The following SORBS2 variants were observed in gnomAD, a reference collection of about 807,000 sequenced individuals.
The protein encoded by SORBS2 is sorbin and SH3 domain-containing protein 2.
In SORBS2, 46 loss-of-function variants were observed where a neutral mutation model predicts 97.7. The observed-to-expected ratio is 0.47, with a 90% CI of 0.37 to 0.60. SORBS2 has a LOEUF of 0.60. Ranked by LOEUF, SORBS2 falls within the 20% of genes least tolerant of loss-of-function variation. The pLI is 0.00. For missense variants in SORBS2, 1,316 were observed against 1,282.3 expected (o/e 1.03, Z -0.40); for synonymous variants, 476 against 473.4 (o/e 1.01, Z -0.07).
intron 1 of SORBS2, among the ~76,000 whole-genome samples, chr4:185,870,933 T>C (rs1432118971): frequency 6.6e-6 from 1 of 152,352 alleles, no homozygotes; most frequent in South Asian, 2.1e-4. Flanking sequence ...TTAGATGGCA[T>C]TGGTCACTCT....
chr4:185,736,325 G>A (rs57765240), intron 2 of SORBS2, among the ~76,000 whole-genome samples: 1,722 of 152,324 alleles, frequency 0.011, 29 homozygotes, highest in African/African-American at 0.038. Context: ...TAAGGCAATG[G>A]TGGGATTAAA....
In SORBS2 at chr4:185,927,482, G is replaced by A. The variant is rs1484498995; in HGVS notation, c.-338+28714C>T. On this transcript the variant is annotated intron_variant, in intron 1 of 20. Coordinates refer to the SORBS2 transcript ENST00000284776. ...GCCCCTGTGTGATATTCCACTCCCC[G>A]TGTCCATGTATGCTCATTGTTCAAC... Among the ~76,000 whole-genome samples the A allele has an allele frequency of 5.7e-5, 8 of 141,180 alleles. No homozygotes were observed. The East Asian group carries it at 1.4e-3, about 25-fold the overall frequency. The allele number at this position is 141,180 out of a possible 152,430, so 92.6% of individuals were successfully genotyped here.
chr4:185,699,305 G>A (rs1396133310), intron 2 of SORBS2, among the ~76,000 whole-genome samples: 2 of 24,812 alleles, frequency 8.1e-5, no homozygotes, highest in Admixed American at 4.0e-4. Context: ...TTTTTTTTTT[G>A]AGACAGAGTC....
intron 8 of SORBS2, among the ~76,000 whole-genome samples, chr4:185,619,178 T>C (rs2096672842): frequency 6.6e-6 from 1 of 152,182 alleles, no homozygotes; most frequent in East Asian, 1.9e-4. Context: ...TCAGGAATCC[T>C]TCAACACTCT....
intron 1 of SORBS2, among the ~76,000 whole-genome samples, chr4:185,793,615 T>C (rs1158216396): frequency 1.3e-5 from 2 of 152,220 alleles, no homozygotes; most frequent in African/African-American, 4.8e-5. Flanking sequence ...TTTTTTATTT[T>C]TGACCCAGTT....
intron 4 of SORBS2, among the ~76,000 whole-genome samples, chr4:185,631,626 G>A (rs1165016143): frequency 6.6e-6 from 1 of 152,136 alleles, no homozygotes; most frequent in Non-Finnish European, 1.5e-5. Context: ...GCCAGGCATG[G>A]TGACACATTC....
rs751346782 is a variant in SORBS2, at chr4:185,611,743, T to C, written c.2796+37A>G. The C allele has an allele frequency of 2.6e-6, 4 of 1,532,514 alleles. No individual in the cohort carries two copies. In the South Asian group the frequency reaches 3.4e-5, roughly 13 times the overall value. 94.9% of individuals were successfully genotyped at this position (1,532,514 alleles called of 1,614,324 possible). A position where few individuals can be genotyped will look rare whatever the true frequency, so the allele number is the denominator to read the frequency against. The stretch of plus-strand genomic sequence containing the variant: ...CACACCGATTATCTTACTTGGAGCT[T>C]CCAATATTACATTAACATGATAGAG... On this transcript the variant is annotated intron_variant, in intron 12 of 14. Coordinates refer to ENST00000418609, the Ensembl canonical transcript of SORBS2.
chr4:185,632,094 A>G (rs114569301), intron 4 of SORBS2, among the ~76,000 whole-genome samples: 2,746 of 152,350 alleles, frequency 0.018, 86 homozygotes, highest in African/African-American at 0.063. Flanking sequence ...TATTTCTATA[A>G]CTCAGTTTTC....
rs548837881 is a variant in SORBS2, at chr4:185,932,230, G to A, written c.-338+23966C>T. 3.3e-5 allele frequency among the ~76,000 whole-genome samples: 5 copies of A among 151,942 alleles called. No homozygotes were observed. The East Asian group carries it at 9.7e-4, about 29-fold the overall frequency. On this transcript the variant is annotated intron_variant, in intron 1 of 20. Coordinates refer to the SORBS2 transcript ENST00000284776. Reference sequence around the variant, plus strand: ...GGATTAGGAGGCATTTGTCAGAGGGGCAGCTACGAAGGGGGCAGTGGAGGG... The same window carrying A: ...GGATTAGGAGGCATTTGTCAGAGGGACAGCTACGAAGGGGGCAGTGGAGGG...
chr4:185,897,639 T>C (rs1382007848), intron 1 of SORBS2, among the ~76,000 whole-genome samples: 1 of 152,156 alleles, frequency 6.6e-6, no homozygotes, highest in Non-Finnish European at 1.5e-5. Context: ...CAACCATAAC[T>C]ACTGCAGTCT....
At chr4:185,924,031 T>C (rs1579516971) in intron 1 of SORBS2, among the ~76,000 whole-genome samples, 1 of 152,234 alleles carries the variant, frequency 6.6e-6, no homozygotes, top group African/African-American at 2.4e-5. Context: ...GTTTTGCTCT[T>C]TATCTCCAGG....
At chr4:185,627,353 G>T (rs1490837200) in intron 5 of SORBS2, among the ~76,000 whole-genome samples, 8 of 152,294 alleles carry the variant, frequency 5.3e-5, no homozygotes, top group Admixed American at 4.6e-4. Context: ...GGGACCACAG[G>T]TGGGTGCCAC....
At chr4:185,767,289 G>T (rs1041261987) in intron 2 of SORBS2, among the ~76,000 whole-genome samples, 2 of 148,780 alleles carry the variant, frequency 1.3e-5, no homozygotes, top group Non-Finnish European at 3.0e-5. Context: ...ACGAGGTCAG[G>T]AGATCGAGAC....
chr4:185,683,089 C>T (rs2097897892), intron 2 of SORBS2, among the ~76,000 whole-genome samples: 1 of 151,822 alleles, frequency 6.6e-6, no homozygotes, highest in South Asian at 2.1e-4. Flanking sequence ...CAAAAGAGGG[C>T]TGTTTTTAAA....
chr4:185,720,432 G>A (rs777242686), intron 2 of SORBS2, among the ~76,000 whole-genome samples: 39 of 152,110 alleles, frequency 2.6e-4, no homozygotes, highest in Non-Finnish European at 5.3e-4. Context: ...GTGACACGGC[G>A]GCTATTGAAC....
intron 1 of SORBS2, among the ~76,000 whole-genome samples, chr4:185,656,440 C>CTTT (rs35080375): frequency 1.4e-5 from 2 of 141,044 alleles, no homozygotes; most frequent in African/African-American, 2.6e-5. Flanking sequence ...CTTACCACGG[C>CTTT]TTTTTTTTTT....
rs781356159 is a variant in SORBS2 at position 185,731,298 on chromosome 4, C to T, written c.-198+43929G>A. On this transcript the variant is annotated intron_variant, in intron 2 of 20. Transcript: ENST00000284776. The stretch of plus-strand genomic sequence containing the variant: ...CAATTGGCTTCTATTGAAAATACCT[C>T]ACGCATCATTTTCTCTTGTCTCTAC... 1.5e-3 allele frequency among the ~76,000 whole-genome samples: 235 copies of T among 152,282 alleles called. 3 individuals carry two copies. The highest frequency in any genetic ancestry group is 1.1e-3 in the Non-Finnish European group (73 of 68,026).
At chr4:185,629,031 C>G (rs377115191) in intron 5 of SORBS2, among the ~76,000 whole-genome samples, 2 of 152,218 alleles carry the variant, frequency 1.3e-5, no homozygotes, top group African/African-American at 4.8e-5. Context: ...TGGAGCCCAG[C>G]AGAATGCTAT....
chr4:185,886,866 C>A (rs1361335379), intron 1 of SORBS2, among the ~76,000 whole-genome samples: 1 of 152,122 alleles, frequency 6.6e-6, no homozygotes, highest in Non-Finnish European at 1.5e-5. Flanking sequence ...GGCTTTGAAG[C>A]GATTTGTTTG....
Sources: allele counts gnomAD v4.1 joint callset (sites outside exome capture counted in the v4.1 genomes callset), GRCh38; gene constraint gnomAD v4.1.1; transcripts MANE v1.5; gene names NCBI Gene and HGNC (gene_info 2026-07-23, HGNC 2026-07-21).